The following MTO1 variants were observed in gnomAD, a reference collection of about 807,000 sequenced individuals.
MTO1 encodes the protein 5-taurinomethyluridine-[tRNA] synthase subunit MTO1, mitochondrial.
Under a neutral mutation model 71.6 loss-of-function variants are expected in MTO1, and 46 were observed. The observed-to-expected ratio is 0.64, with a 90% confidence interval of 0.51 to 0.82. MTO1 has a LOEUF of 0.82. MTO1 is among the 40% of genes least tolerant of loss of function. MTO1 has a pLI of 0.00. For missense variants in MTO1, 773 were observed against 867.5 expected (o/e 0.89, Z 1.37); for synonymous variants, 297 against 312.1 (o/e 0.95, Z 0.51).
rs1417807425 is a variant in MTO1 at position 73,509,109 on chromosome 6, C to T, written c.*8374C>T. On this transcript the variant is annotated 3_prime_UTR_variant, in exon 12 of 12. Coordinates refer to ENST00000498286, the MANE Select transcript of MTO1 (RefSeq NM_012123.4). ...ATATTCCCTCAATCACATGATTGTA[C>T]TGAAAATATAACCAAGTTTTATTTA... 4 of 152,190 alleles carry T rather than the reference C, an allele frequency of 2.6e-5. No individual in the cohort carries two copies. Among genetic ancestry groups the T allele is most frequent in the Non-Finnish European group, 2.9e-5 (2 of 68,046 alleles). The allele number at this position is 152,190 out of a possible 1,614,324, so 9.4% of individuals were successfully genotyped here. A position where few individuals can be genotyped will look rare whatever the true frequency, so the allele number is the denominator to read the frequency against.
Position 73,500,750 on chromosome 6 carries a change from A to C in MTO1, c.*15A>C. On this transcript the variant is annotated 3_prime_UTR_variant, in exon 12 of 12. Transcript: ENST00000498286. The stretch of plus-strand genomic sequence containing the variant: ...GAGAGTTATAGCTTTCAATTCATAA[A>C]AGATTTTTAAAGAGCATATAAATAA... 6.5e-7 allele frequency: 1 copy of C among 1,537,522 alleles called. No homozygotes were observed. Among genetic ancestry groups the C allele is most frequent in the East Asian group, 2.3e-5 (1 of 42,994 alleles).
At chr6:73,477,205 G>A (rs1771350214) in intron 4 of MTO1, among the ~76,000 whole-genome samples, 1 of 151,332 alleles carries the variant, frequency 6.6e-6, no homozygotes, top group Non-Finnish European at 1.5e-5. Context: ...AGACCAGCTT[G>A]GCCAATATGG....
intron 3 of MTO1, among the ~76,000 whole-genome samples, chr6:73,472,932 TTGTAA>T (rs1374175818): frequency 6.6e-6 from 1 of 152,188 alleles, no homozygotes; most frequent in Non-Finnish European, 1.5e-5. Context: ...TTTTCTGTAG[TTGTAA>T]TGTAAAATAG....
intron 3 of MTO1, among the ~76,000 whole-genome samples, chr6:73,472,403 A>G (rs748000543): frequency 6.6e-6 from 1 of 152,134 alleles, no homozygotes; most frequent in Non-Finnish European, 1.5e-5. Context: ...TCTAAAATTA[A>G]TTAATTTTTT....
intron 4 of MTO1, 118 bp downstream of exon 4, chr6:73,473,772 A>G: frequency 1.4e-6 from 1 of 694,922 alleles, no homozygotes; most frequent in Non-Finnish European, 2.2e-6. Context: ...TATTGCTTAT[A>G]GTGCAAAGAA....
Position 73,466,172 on chromosome 6 carries a change from C to A in MTO1, c.218-37C>A, listed in dbSNP as rs747263499. The A allele has an allele frequency of 7.2e-6, 11 of 1,535,472 alleles. No homozygotes were observed. In the East Asian group the frequency reaches 2.2e-4, roughly 31 times the overall value. On this transcript the variant is annotated intron_variant, in intron 1 of 11. Transcript: ENST00000498286. ...TTAAGTAGTCACTATGTGCAAGGTGCTCATATATTTATTTTGTTTATGTCT... is the reference window on the plus strand; with the variant it reads ...TTAAGTAGTCACTATGTGCAAGGTGATCATATATTTATTTTGTTTATGTCT...
chr6:73,504,064 T>C lies in MTO1; in HGVS notation c.*3329T>C, dbSNP rs1772226533. Reference sequence around the variant, plus strand: ...CCACTTAACACTGGAATGCACACAGTGAAAATTAATTGTTCCTCTTACACT... The same window carrying C: ...CCACTTAACACTGGAATGCACACAGCGAAAATTAATTGTTCCTCTTACACT... On this transcript the variant is annotated 3_prime_UTR_variant, in exon 12 of 12. Transcript: ENST00000498286. 2 of 152,150 alleles carry C rather than the reference T, an allele frequency of 1.3e-5. No individual in the cohort carries two copies. Among genetic ancestry groups the C allele is most frequent in the Admixed American group, 6.6e-5 (1 of 15,266 alleles). 9.4% of individuals were successfully genotyped at this position (152,150 alleles called of 1,614,324 possible).
intron 9 of MTO1, among the ~76,000 whole-genome samples, chr6:73,484,459 T>C (rs754459494): frequency 6.6e-6 from 1 of 152,094 alleles, no homozygotes; most frequent in African/African-American, 2.4e-5. Context: ...CAACCCTCTT[T>C]TATTGGGGCA....
rs2150047221 is a variant in MTO1, at chr6:73,503,567, C to T, written c.*2832C>T. 1 of 152,310 alleles carries T rather than the reference C, an allele frequency of 6.6e-6. No homozygotes were observed. Among genetic ancestry groups the T allele is most frequent in the African/African-American group, 2.4e-5 (1 of 41,572 alleles). 9.4% of individuals were successfully genotyped at this position (152,310 alleles called of 1,614,324 possible). On this transcript the variant is annotated 3_prime_UTR_variant, in exon 12 of 12. Coordinates refer to ENST00000498286, the MANE Select transcript of MTO1 (RefSeq NM_012123.4). Reference sequence around the variant, plus strand: ...AATCAGCTAAAAATGTAACCTTACTCAATGTAGTTACTTCATAGAAATCCC... The same window carrying T: ...AATCAGCTAAAAATGTAACCTTACTTAATGTAGTTACTTCATAGAAATCCC...
Position 73,505,600 on chromosome 6 carries a change from G to A in MTO1, c.*4865G>A, listed in dbSNP as rs752653236. Reference sequence around the variant, plus strand: ...AGATGGAGCCTCACACTGTCACCCAGGCTGGAGTGCAATGGTGTGATCTTG... The same window carrying A: ...AGATGGAGCCTCACACTGTCACCCAAGCTGGAGTGCAATGGTGTGATCTTG... On this transcript the variant is annotated 3_prime_UTR_variant, in exon 12 of 12. Transcript: ENST00000498286. 2 of 152,156 alleles carry A rather than the reference G, an allele frequency of 1.3e-5. No homozygotes were observed. Among genetic ancestry groups the A allele is most frequent in the African/African-American group, 2.4e-5 (1 of 41,412 alleles). 9.4% of individuals were successfully genotyped at this position (152,156 alleles called of 1,614,324 possible).
intron 9 of MTO1, among the ~76,000 whole-genome samples, chr6:73,483,458 T>G (rs1036369580): frequency 3.3e-5 from 5 of 151,848 alleles, no homozygotes; most frequent in Non-Finnish European, 7.4e-5. Context: ...ATTATTTTTA[T>G]TTTTTATATG....
At position 73,482,031 on chromosome 6, in the gene MTO1, C is replaced by T. The variant is rs1771508479; in HGVS notation, c.1261-9C>T. On this transcript the variant is annotated splice_polypyrimidine_tract_variant and intron_variant, in intron 7 of 11. Transcript: ENST00000498286. ...TAATGGCCTTTTAAACATTTCAGTG[C>T]TCTTGTAGGGTGTGATAGCCGGAAT... 1.2e-5 allele frequency: 19 copies of T among 1,613,914 alleles called. No individual in the cohort carries two copies. The highest frequency in any genetic ancestry group is 1.6e-5 in the Non-Finnish European group (19 of 1,180,004).
chr6:73,473,243 C>T (rs961145338), intron 3 of MTO1, 122 bp from the exon 4 acceptor site: 3 of 1,059,038 alleles, frequency 2.8e-6, no homozygotes, highest in Non-Finnish European at 4.0e-6. Context: ...TGCACCACTG[C>T]CCTCCAGCCT....
chr6:73,485,526 C>T (rs911603274), intron 9 of MTO1, among the ~76,000 whole-genome samples: 10 of 151,962 alleles, frequency 6.6e-5, no homozygotes, highest in Admixed American at 2.6e-4. Context: ...GCAACCTCCG[C>T]CTCCTGGGTT....
chr6:73,480,975 T>G (rs994084996), intron 7 of MTO1, 170 bp downstream of exon 7: 10 of 398,376 alleles, frequency 2.5e-5, no homozygotes, highest in South Asian at 9.9e-5. Flanking sequence ...TAGGGTTTTT[T>G]TTTTTTTTTT....
intron 4 of MTO1, among the ~76,000 whole-genome samples, chr6:73,477,811 A>T (rs1771370568): frequency 6.6e-6 from 1 of 151,972 alleles, no homozygotes; most frequent in Admixed American, 6.6e-5. Context: ...CTAGCCCAAA[A>T]CAACCTTTTT....
rs1772218329 is a variant in MTO1 at position 73,503,709 on chromosome 6, A to G, written c.*2974A>G. 6.6e-6 allele frequency: 1 copy of G among 152,218 alleles called. No individual in the cohort carries two copies. The highest frequency in any genetic ancestry group is 2.4e-5 in the African/African-American group (1 of 41,456). 9.4% of individuals were successfully genotyped at this position (152,218 alleles called of 1,614,324 possible). On this transcript the variant is annotated 3_prime_UTR_variant, in exon 12 of 12. Coordinates refer to ENST00000498286, the MANE Select transcript of MTO1 (RefSeq NM_012123.4). Reference sequence around the variant, plus strand: ...GCCAGGTATTTTTTCAATTCAATTCAACAGGAACACCAAAAAATAAGAAAT... The same window carrying G: ...GCCAGGTATTTTTTCAATTCAATTCGACAGGAACACCAAAAAATAAGAAAT...
rs200583827 is a variant in MTO1 at position 73,482,103 on chromosome 6, C to T, written c.1324C>T (p.Arg442Ter). Reference sequence around the variant, plus strand: ...TCGCAAGCCTCCCTTTGTGGTTAGCCGAACAGAAGGTTACATAGGAGTCTT... The same window carrying T: ...TCGCAAGCCTCCCTTTGTGGTTAGCTGAACAGAAGGTTACATAGGAGTCTT... ...VSRKPPFVVS[R>*]TEGYIGVLID... is the part of the protein sequence containing the mutation. The change falls in exon 8 of 12, where the codon CGA (arginine) becomes TGA (stop). Residue 442 changes from arginine (R) to a stop codon, truncating the protein, a stop_gained. Transcript: ENST00000498286. LOFTEE classifies it high-confidence loss of function. 66 of 1,613,942 alleles carry T rather than the reference C, an allele frequency of 4.1e-5. No homozygotes were observed. The highest frequency in any genetic ancestry group is 4.0e-5 in the African/African-American group (3 of 74,880).
At chr6:73,477,188 GAGTTCAAGACC>G (rs1329290995) in intron 4 of MTO1, among the ~76,000 whole-genome samples, 1 of 151,264 alleles carries the variant, frequency 6.6e-6, no homozygotes, top group Non-Finnish European at 1.5e-5. Context: ...TTGAGGTCAG[GAGTTCAAGACC>G]AGCTTGGCCA....
Sources: gnomAD v4.1 joint callset for allele counts (sites outside exome capture counted in the v4.1 genomes callset) on GRCh38, gnomAD v4.1.1 for gene constraint, MANE v1.5 for transcripts, NCBI Gene and HGNC (gene_info 2026-07-23, HGNC 2026-07-21) for gene names.